IGSF10: variants seen among roughly 807,000 people sequenced by gnomAD.
IGSF10 encodes the protein calvaria mechanical force protein 608.
IGSF10 carries 126 observed loss-of-function variants against 128.2 expected under a neutral mutation model. The observed-to-expected ratio is 0.98, with a 90% confidence interval of 0.85 to 1.14. The LOEUF (loss-of-function observed/expected upper bound fraction) is 1.14. IGSF10 is among the 50% of genes most tolerant of loss of function. The probability of loss-of-function intolerance (pLI) is 0.00; values close to 1 mark genes in which losing one functional copy is unlikely to be tolerated. For missense variants in IGSF10, 3,295 were observed against 3,149.8 expected (o/e 1.05, Z -1.10); for synonymous variants, 1,185 against 1,146.2 (o/e 1.03, Z -0.68).
At chr3:151,552,211 C>CAA in the IGSF10 span, among the ~76,000 whole-genome samples, 1 of 152,146 alleles carries the variant, frequency 6.6e-6, no homozygotes, top group East Asian at 1.9e-4. Flanking sequence ...TCCCCTATGC[C>CAA]TTCCACTGTG....
chr3:151,574,670 C>T, the IGSF10 span, among the ~76,000 whole-genome samples: 1 of 152,286 alleles, frequency 6.6e-6, no homozygotes, highest in South Asian at 2.1e-4. Flanking sequence ...GAACATCCTC[C>T]TTTAGCTCAG....
the IGSF10 span, among the ~76,000 whole-genome samples, chr3:151,488,246 T>C: frequency 1.3e-5 from 2 of 152,086 alleles, no homozygotes; most frequent in Non-Finnish European, 2.9e-5. Context: ...ATTAAGTACC[T>C]AGGAATACAA....
the IGSF10 span, among the ~76,000 whole-genome samples, chr3:151,477,454 T>A: frequency 6.6e-6 from 1 of 152,220 alleles, no homozygotes; most frequent in Non-Finnish European, 1.5e-5. Context: ...TTTTAAGGAT[T>A]TATCTTCATA....
chr3:151,518,944 G>A, the IGSF10 span, among the ~76,000 whole-genome samples: 3 of 151,966 alleles, frequency 2.0e-5, no homozygotes, highest in Admixed American at 2.0e-4. Context: ...TACCAAAATG[G>A]TGACTTGATT....
chr3:151,514,950 T>A, the IGSF10 span, among the ~76,000 whole-genome samples: 1 of 152,104 alleles, frequency 6.6e-6, no homozygotes, highest in Non-Finnish European at 1.5e-5. Flanking sequence ...ATGGCGATCA[T>A]TAAAAAGTCA....
the IGSF10 span, among the ~76,000 whole-genome samples, chr3:151,556,158 G>T: frequency 1.3e-5 from 2 of 152,118 alleles, no homozygotes; most frequent in Non-Finnish European, 2.9e-5. Flanking sequence ...TTAAAAGCTT[G>T]ATCTTTATTT....
the IGSF10 span, among the ~76,000 whole-genome samples, chr3:151,517,266 C>A: frequency 6.6e-6 from 1 of 151,932 alleles, no homozygotes; most frequent in Admixed American, 6.6e-5. Context: ...AGAAATATAT[C>A]CCATCAGATA....
At chr3:151,450,628 C>G (rs894201149) in intron 5 of IGSF10, among the ~76,000 whole-genome samples, 1 of 152,022 alleles carries the variant, frequency 6.6e-6, no homozygotes, top group African/African-American at 2.4e-5. Flanking sequence ...TGGCCGCAAT[C>G]GCTCACGCCT....
chr3:151,571,397 G>A, the IGSF10 span, among the ~76,000 whole-genome samples: 12 of 152,160 alleles, frequency 7.9e-5, no homozygotes, highest in African/African-American at 2.2e-4. Context: ...CTTTTATTTC[G>A]TTGAGCGGTG....
the IGSF10 span, among the ~76,000 whole-genome samples, chr3:151,489,096 A>T: frequency 6.6e-6 from 1 of 152,234 alleles, no homozygotes; most frequent in Admixed American, 6.5e-5. Context: ...GCTAATATCC[A>T]GAATCTACAA....
At chr3:151,459,977 G>A (rs1451426811) in intron 2 of IGSF10, among the ~76,000 whole-genome samples, 1 of 152,078 alleles carries the variant, frequency 6.6e-6, no homozygotes, top group Non-Finnish European at 1.5e-5. Context: ...ATTTAAGATA[G>A]GATTAATCAT....
the IGSF10 span, among the ~76,000 whole-genome samples, chr3:151,508,515 AC>A: frequency 2.0e-5 from 3 of 152,118 alleles, no homozygotes; most frequent in Non-Finnish European, 4.4e-5. Context: ...TGTTTGGGAA[AC>A]TGAGTCTCCT....
At chr3:151,469,504 T>C in the IGSF10 span, among the ~76,000 whole-genome samples, 1 of 152,114 alleles carries the variant, frequency 6.6e-6, no homozygotes, top group Admixed American at 6.6e-5. Context: ...AAAGGGCATG[T>C]AAACCTTCTT....
the IGSF10 span, among the ~76,000 whole-genome samples, chr3:151,485,501 A>G: frequency 6.6e-6 from 1 of 152,210 alleles, no homozygotes; most frequent in Non-Finnish European, 1.5e-5. Context: ...CATAATCACC[A>G]GATTCATCAA....
the IGSF10 span, among the ~76,000 whole-genome samples, chr3:151,550,478 T>C: frequency 6.6e-6 from 1 of 152,200 alleles, no homozygotes; most frequent in Non-Finnish European, 1.5e-5. Flanking sequence ...ACATATCCTC[T>C]GGATACAGTG....
chr3:151,441,175 A>C (rs1720828027), intron 7 of IGSF10, among the ~76,000 whole-genome samples: 1 of 152,214 alleles, frequency 6.6e-6, no homozygotes, highest in African/African-American at 2.4e-5. Flanking sequence ...TATCCCCTGC[A>C]CCCAAGATCT....
At chr3:151,454,015 TTTTC>T (rs1408339676) in intron 4 of IGSF10, among the ~76,000 whole-genome samples, 2 of 101,634 alleles carry the variant, frequency 2.0e-5, no homozygotes, top group Non-Finnish European at 3.7e-5. Context: ...CTTTTTTTCT[TTTTC>T]TTTTTTTTTT....
chr3:151,458,247 T>C (rs928865461), intron 3 of IGSF10, among the ~76,000 whole-genome samples: 1 of 152,024 alleles, frequency 6.6e-6, no homozygotes, highest in Non-Finnish European at 1.5e-5. Flanking sequence ...CCAGCAAAAA[T>C]GTAGCCAGAA....
At chr3:151,563,013 AG>A in the IGSF10 span, among the ~76,000 whole-genome samples, 7 of 152,150 alleles carry the variant, frequency 4.6e-5, no homozygotes, top group African/African-American at 1.7e-4. Context: ...CTGCATTCTA[AG>A]GGATGGGCCA....
Sources: gnomAD v4.1 joint callset for allele counts (sites outside exome capture counted in the v4.1 genomes callset) on GRCh38, gnomAD v4.1.1 for gene constraint, MANE v1.5 for transcripts, NCBI Gene and HGNC (gene_info 2026-07-23, HGNC 2026-07-21) for gene names.